RBL1: variants seen among roughly 807,000 people sequenced by gnomAD.
RBL1 encodes retinoblastoma-like protein 1.
In RBL1, 82 loss-of-function variants were observed where a neutral mutation model predicts 123.0. That is an observed-to-expected ratio of 0.67 (90% CI 0.56 to 0.80). The LOEUF (loss-of-function observed/expected upper bound fraction) is 0.80, where lower values mean the gene tolerates loss of function less well. Ranked by LOEUF, RBL1 falls within the 30% of genes least tolerant of loss-of-function variation. The pLI is 0.00. For missense variants in RBL1, 1,171 were observed against 1,299.6 expected (o/e 0.90, Z 1.52); for synonymous variants, 405 against 441.3 (o/e 0.92, Z 1.03).
Position 36,999,480 on chromosome 20 carries a change from C to A in RBL1, c.3037-551G>T, listed in dbSNP as rs372897789. Reference sequence around the variant, plus strand: ...TCCCTCCTCTCCCTCTCCCTCCTCTCCCTCTCCCTCTCCCCACGGTCTCCC... The same window carrying A: ...TCCCTCCTCTCCCTCTCCCTCCTCTACCTCTCCCTCTCCCCACGGTCTCCC... On this transcript the variant is annotated intron_variant, in intron 21 of 21. Transcript: ENST00000373664. 2.1e-4 allele frequency among the ~76,000 whole-genome samples: 32 copies of A among 151,332 alleles called. No individual in the cohort carries two copies. In the East Asian group the frequency reaches 5.9e-3, roughly 28 times the overall value.
rs71186100 is a variant in RBL1, at chr20:37,042,072, CAAAAAAAAAA to C, written c.1771-1797_1771-1788del. ...TGGGCAACAGAGCAAGACTTTGTCT[CAAAAAAAAAA>C]AAAAAAAAAGAAAGTGAAAAGACAA... On this transcript the variant is annotated intron_variant, in intron 13 of 21. Coordinates refer to ENST00000373664, the MANE Select transcript of RBL1 (RefSeq NM_002895.5). 9.9e-3 allele frequency among the ~76,000 whole-genome samples: 866 copies of C among 87,040 alleles called. 13 individuals carry two copies. Among genetic ancestry groups the C allele is most frequent in the African/African-American group, 0.046 (825 of 17,772 alleles). 57.1% of individuals were successfully genotyped at this position (87,040 alleles called of 152,430 possible). A position where few individuals can be genotyped will look rare whatever the true frequency, so the allele number is the denominator to read the frequency against.
chr20:37,005,672 ATAAAT>A (rs1300305011), intron 20 of RBL1, among the ~76,000 whole-genome samples: 28 of 152,312 alleles, frequency 1.8e-4, no homozygotes, highest in Non-Finnish European at 3.8e-4. Flanking sequence ...TATAATGGAA[ATAAAT>A]TAAGATGGTA....
At chr20:37,065,373 C>T in intron 7 of RBL1, 51 bp downstream of exon 7, 1 of 1,344,898 alleles carries the variant, frequency 7.4e-7, no homozygotes, top group Non-Finnish European at 1.0e-6. Context: ...AACAAATCAA[C>T]AAATATGACA....
rs1227000747 is a variant in RBL1 at position 37,001,329 on chromosome 20, G to T, written c.3036+2373C>A. Among the ~76,000 whole-genome samples the T allele has an allele frequency of 2.0e-5, 3 of 151,964 alleles. No homozygotes were observed. In the South Asian group the frequency reaches 6.2e-4, roughly 32 times the overall value. On this transcript the variant is annotated intron_variant, in intron 21 of 21. Transcript: ENST00000373664. ...TTTGTGGAATAGAAAGGGGGGAAAGGTGGGGAAAAGATTGAGAAATCGGAT... is the reference window on the plus strand; with the variant it reads ...TTTGTGGAATAGAAAGGGGGGAAAGTTGGGGAAAAGATTGAGAAATCGGAT...
At chr20:37,072,390 C>T (rs1381012144) in intron 2 of RBL1, among the ~76,000 whole-genome samples, 3 of 151,946 alleles carry the variant, frequency 2.0e-5, no homozygotes, top group African/African-American at 4.8e-5. Flanking sequence ...ATTGCTTGAA[C>T]CCGGGAGGTG....
At chr20:37,091,151 G>A (rs2065639596) in intron 1 of RBL1, among the ~76,000 whole-genome samples, 2 of 152,016 alleles carry the variant, frequency 1.3e-5, no homozygotes, top group South Asian at 4.1e-4. Flanking sequence ...GAGGTCAGGA[G>A]TTTGAGAGCA....
chr20:37,082,113 A>AG (rs1019537806), intron 2 of RBL1: 1 of 437,942 alleles, frequency 2.3e-6, no homozygotes, highest in African/African-American at 2.0e-5. Flanking sequence ...TCCCTCACTA[A>AG]GGGACAACGC....
chr20:37,063,225 G>C (rs1177429322), intron 7 of RBL1, among the ~76,000 whole-genome samples: 1 of 152,094 alleles, frequency 6.6e-6, no homozygotes, highest in Non-Finnish European at 1.5e-5. Context: ...CTACAGGCTT[G>C]TGCCACCATG....
At chr20:37,052,701 G>T (rs929252637) in intron 11 of RBL1, among the ~76,000 whole-genome samples, 12 of 152,164 alleles carry the variant, frequency 7.9e-5, no homozygotes, top group African/African-American at 2.9e-4. Flanking sequence ...GTTGAGACGG[G>T]ATTTTGCCAT....
rs143429561 is a variant in RBL1, at chr20:37,035,407, T to G, written c.2005A>C (p.Met669Leu). Reference protein sequence around the residue: ...RLFGEDPPKEMLMDKIITEGT... With the variant: ...RLFGEDPPKELLMDKIITEGT... ...TCTGTTATGATCTTGTCCATAAGCA[T>G]TTCCTTTGGGGGGTCCTCTCCAAAG... The change falls in exon 15 of 22, where the codon ATG (methionine) becomes CTG (leucine). Residue 669 changes from methionine (M) to leucine (L), a missense_variant. Met to Leu is a conservative substitution (Grantham distance 15, BLOSUM62 2). Coordinates refer to ENST00000373664, the MANE Select transcript of RBL1 (RefSeq NM_002895.5). The G allele has an allele frequency of 1.1e-5, 17 of 1,614,160 alleles. No homozygotes were observed. The African/African-American group carries it at 1.3e-4, about 13-fold the overall frequency.
intron 16 of RBL1, among the ~76,000 whole-genome samples, chr20:37,030,530 G>T (rs2064490975): frequency 2.0e-5 from 3 of 151,748 alleles, no homozygotes; most frequent in Admixed American, 2.0e-4. Context: ...ACCAGCCTGG[G>T]CAACATGGTG....
In RBL1 at chr20:36,998,732, G is replaced by A; in HGVS notation, c.*27C>T. 3.8e-6 allele frequency: 6 copies of A among 1,580,504 alleles called. No individual in the cohort carries two copies. The highest frequency in any genetic ancestry group is 4.5e-5 in the East Asian group (2 of 44,450). On this transcript the variant is annotated 3_prime_UTR_variant, in exon 22 of 22. Coordinates refer to ENST00000373664, the MANE Select transcript of RBL1 (RefSeq NM_002895.5). ...ACTTTCTGCAGAACAATCTGAAAGT[G>A]CTTTTATCATAGAAACAAGAACAAC... is the stretch of plus-strand genomic sequence containing the variant.
intron 2 of RBL1, among the ~76,000 whole-genome samples, chr20:37,076,036 A>G (rs1282119964): frequency 6.6e-6 from 1 of 152,212 alleles, no homozygotes; most frequent in Admixed American, 6.5e-5. Context: ...CCACTAAGGC[A>G]ATCATGGTTG....
chr20:37,078,078 G>T (rs778308058), intron 2 of RBL1, among the ~76,000 whole-genome samples: 1 of 152,124 alleles, frequency 6.6e-6, no homozygotes, highest in African/African-American at 2.4e-5. Context: ...CCTAATTTGG[G>T]TTTGTCTCAT....
intron 19 of RBL1, among the ~76,000 whole-genome samples, chr20:37,013,615 C>T (rs1182263911): frequency 6.6e-6 from 1 of 150,910 alleles, no homozygotes; most frequent in African/African-American, 2.4e-5. Context: ...ATTTGAGACA[C>T]TACCCTCAAT....
chr20:37,035,457 G>T lies in RBL1; in HGVS notation c.1955C>A (p.Thr652Asn). Residue 652 changes from threonine (T) to asparagine (N), a missense_variant, in exon 15 of 22, where the codon ACC (threonine) becomes AAC (asparagine). Physicochemically the swap from Thr to Asn is moderately conservative, Grantham distance 65. Coordinates refer to ENST00000373664, the MANE Select transcript of RBL1 (RefSeq NM_002895.5). ...GAGTCTTCTCTTAGCACTCCCTGCG[G>T]TAGGAGAACTGTAGCGTTCATGGAC... The part of the protein sequence containing the change: ...ISVHERYSSP[T>N]AGSAKRRLFG... The T allele has an allele frequency of 6.2e-7, 1 of 1,613,158 alleles. No individual in the cohort carries two copies. The highest frequency in any genetic ancestry group is 1.1e-5 in the South Asian group (1 of 90,946).
chr20:37,026,225 A>C (rs2064418883), intron 16 of RBL1, among the ~76,000 whole-genome samples: 1 of 152,224 alleles, frequency 6.6e-6, no homozygotes, highest in Non-Finnish European at 1.5e-5. Context: ...GGTACTGTGA[A>C]AGAAATAGGA....
Position 37,087,422 on chromosome 20 carries a change from A to G in RBL1, c.290+1567T>C, listed in dbSNP as rs534355757. Among the ~76,000 whole-genome samples, 5 of 152,040 alleles carry G rather than the reference A, an allele frequency of 3.3e-5. No individual in the cohort carries two copies. The South Asian group carries it at 1.0e-3, about 32-fold the overall frequency. ...AACATAGTAAGACCCTGTCTCTATAAAAAGATTTAAAAATATCAGTCAGGC... is the reference window on the plus strand; with the variant it reads ...AACATAGTAAGACCCTGTCTCTATAGAAAGATTTAAAAATATCAGTCAGGC... On this transcript the variant is annotated intron_variant, in intron 2 of 21. Coordinates refer to ENST00000373664, the MANE Select transcript of RBL1 (RefSeq NM_002895.5).
At chr20:37,043,578 A>G (rs978733380) in intron 13 of RBL1, among the ~76,000 whole-genome samples, 2 of 152,090 alleles carry the variant, frequency 1.3e-5, no homozygotes, top group Non-Finnish European at 2.9e-5. Context: ...GAGAGGCAGA[A>G]GGACAGTTTG....
Sources: allele counts gnomAD v4.1 joint callset (sites outside exome capture counted in the v4.1 genomes callset), GRCh38; gene constraint gnomAD v4.1.1; transcripts MANE v1.5; gene names NCBI Gene and HGNC (gene_info 2026-07-23, HGNC 2026-07-21).